Variants in MARCOL observed in about 807,000 individuals in gnomAD.
The protein encoded by MARCOL is MARCO like.
In MARCOL at chr5:148,243,479, C is replaced by T. The variant is rs1755992573; in HGVS notation, c.*225C>T. On this transcript the variant is annotated 3_prime_UTR_variant, in exon 2 of 2. Coordinates refer to ENST00000638089, the MANE Select transcript of MARCOL (RefSeq NM_001363511.2). Reference sequence around the variant, plus strand: ...AGCAGGGGAAGCCAGGATCATCTAGCCAGCAAGGAAATATAGGGTCATCTG... The same window carrying T: ...AGCAGGGGAAGCCAGGATCATCTAGTCAGCAAGGAAATATAGGGTCATCTG... The T allele has an allele frequency of 2.6e-6, 1 of 381,630 alleles. No homozygotes were observed. The highest frequency in any genetic ancestry group is 4.6e-6 in the Non-Finnish European group (1 of 215,826). The allele number at this position is 381,630 out of a possible 1,614,324, so 23.6% of individuals were successfully genotyped here. A position where few individuals can be genotyped will look rare whatever the true frequency, so the allele number is the denominator to read the frequency against.
chr5:148,242,914 A>G lies in MARCOL; in HGVS notation c.518A>G (p.Gln173Arg). 1 of 399,178 alleles carries G rather than the reference A, an allele frequency of 2.5e-6. No homozygotes were observed. The highest frequency in any genetic ancestry group is 4.4e-6 in the Non-Finnish European group (1 of 226,370). The allele number at this position is 399,178 out of a possible 1,614,324, so 24.7% of individuals were successfully genotyped here. ...CAGGGGAAGCCAGGATCATCTAGCC[A>G]ACACGGGAATCTAGGGTCATCAACC... ...SQQGKPGSSS[Q>R]HGNLGSSTQK... Residue 173 changes from glutamine to arginine, a missense_variant, in exon 2 of 2, where the codon CAA (glutamine) becomes CGA (arginine). Coordinates refer to ENST00000638089, the MANE Select transcript of MARCOL (RefSeq NM_001363511.2).
rs1410712677 is a variant in MARCOL, at chr5:148,239,644, G to GA, written c.49+1007dup. Among the ~76,000 whole-genome samples the GA allele has an allele frequency of 3.4e-4, 50 of 149,000 alleles. No homozygotes were observed. In the East Asian group the frequency reaches 7.1e-3, roughly 21 times the overall value. ...GGAGCTGCTGAAGTAACAGAGTTAA[G>GA]AAAAAAAAAGGGTGAGTTAAGAGAT... On this transcript the variant is annotated intron_variant, in intron 1 of 1. Transcript: ENST00000638089.
rs1755986120 is a variant in MARCOL, at chr5:148,243,053, A to G, written c.657A>G (p.Gln219=). 1 of 397,120 alleles carries G rather than the reference A, an allele frequency of 2.5e-6. No individual in the cohort carries two copies. Among genetic ancestry groups the G allele is most frequent in the Non-Finnish European group, 4.4e-6 (1 of 225,104 alleles). The allele number at this position is 397,120 out of a possible 1,614,324, so 24.6% of individuals were successfully genotyped here. The change falls in exon 2 of 2, where the codon CAA becomes CAG. Residue 219 remains glutamine (Q), a synonymous_variant. Coordinates refer to ENST00000638089, the MANE Select transcript of MARCOL (RefSeq NM_001363511.2). The part of the protein sequence containing the change: ...QQGKPGSSSQ[Q]GNLGTSGQQE... ...GGAAGCCAGGGTCATCTAGCCAACAAGGAAATCTAGGAACTTCTGGCCAAC... is the reference window on the plus strand; with the variant it reads ...GGAAGCCAGGGTCATCTAGCCAACAGGGAAATCTAGGAACTTCTGGCCAAC...
chr5:148,240,523 G>A (rs192110729), intron 1 of MARCOL, among the ~76,000 whole-genome samples: 1 of 150,848 alleles, frequency 6.6e-6, no homozygotes, highest in East Asian at 2.0e-4. Context: ...GGGGGGTTTG[G>A]AGTGGGGGTA....
intron 1 of MARCOL, 27 bp downstream of exon 1, chr5:148,238,673 C>T: frequency 2.5e-6 from 1 of 397,992 alleles, no homozygotes; most frequent in Non-Finnish European, 4.4e-6. Flanking sequence ...CAATAGCTTT[C>T]CTTCCAAATC....
Position 148,242,616 on chromosome 5 carries a change from G to A in MARCOL, c.220G>A (p.Gly74Arg). The A allele has an allele frequency of 2.5e-6, 1 of 398,324 alleles. No individual in the cohort carries two copies. The highest frequency in any genetic ancestry group is 4.4e-6 in the Non-Finnish European group (1 of 225,944). 24.7% of individuals were successfully genotyped at this position (398,324 alleles called of 1,614,324 possible). A position where few individuals can be genotyped will look rare whatever the true frequency, so the allele number is the denominator to read the frequency against. ...AAATCCAGGAACGTTTAGGCTTCAA[G>A]GACAACCAGGCTATTTTAACAAGCT... ...QGNPGTFRLQ[G>R]QPGYFNKLEK... Residue 74 changes from glycine to arginine, a missense_variant, in exon 2 of 2, where the codon GGA becomes AGA. Gly to Arg is a moderately radical substitution (Grantham distance 125). Transcript: ENST00000638089.
At chr5:148,239,509 A>C (rs1159203) in intron 1 of MARCOL, among the ~76,000 whole-genome samples, 113,616 of 151,688 alleles carry the variant, frequency 0.75, 47,082 homozygotes, top group Middle Eastern at 0.94. Context: ...AAGCTGTTTC[A>C]GAGTTTTGAG....
At chr5:148,241,379 TG>T in intron 1 of MARCOL, among the ~76,000 whole-genome samples, 1 of 67,598 alleles carries the variant, frequency 1.5e-5, no homozygotes, top group Non-Finnish European at 4.7e-5. Context: ...TTGCGTATAT[TG>T]AAAAAAATAC....
At chr5:148,239,616 T>G (rs559129504) in intron 1 of MARCOL, among the ~76,000 whole-genome samples, 1 of 151,464 alleles carries the variant, frequency 6.6e-6, no homozygotes, top group Admixed American at 6.6e-5. Flanking sequence ...GTAATGCCAC[T>G]GAGGAGCTGC....
At chr5:148,241,511 T>A (rs1755964793) in intron 1 of MARCOL, among the ~76,000 whole-genome samples, 5 of 98,308 alleles carry the variant, frequency 5.1e-5, no homozygotes, top group South Asian at 3.4e-4. Flanking sequence ...ATGAGAAAAA[T>A]ATACACTTCT....
At chr5:148,239,034 T>C (rs1433950994) in intron 1 of MARCOL, among the ~76,000 whole-genome samples, 1 of 152,128 alleles carries the variant, frequency 6.6e-6, no homozygotes, top group Non-Finnish European at 1.5e-5. Flanking sequence ...CAAATCTTGA[T>C]GTTTTTTTCC....
At position 148,238,545 on chromosome 5, in the gene MARCOL, A is replaced by G. The variant is rs1755930479; in HGVS notation, c.-53A>G. On this transcript the variant is annotated 5_prime_UTR_variant, in exon 1 of 2. Coordinates refer to ENST00000638089, the MANE Select transcript of MARCOL (RefSeq NM_001363511.2). The stretch of plus-strand genomic sequence containing the variant: ...GGTTTATTTGAAGAGCACCTACTGC[A>G]GAGTTAGGCTTAACTCCACCCAACA... 7.5e-6 allele frequency: 3 copies of G among 397,684 alleles called. No homozygotes were observed. Among genetic ancestry groups the G allele is most frequent in the Non-Finnish European group, 1.3e-5 (3 of 225,124 alleles). The allele number at this position is 397,684 out of a possible 1,614,324, so 24.6% of individuals were successfully genotyped here.
chr5:148,240,701 C>T (rs1755954041), intron 1 of MARCOL, among the ~76,000 whole-genome samples: 1 of 151,868 alleles, frequency 6.6e-6, no homozygotes, highest in Admixed American at 6.6e-5. Flanking sequence ...TAATTGATTT[C>T]TACTTGGTGT....
intron 1 of MARCOL, among the ~76,000 whole-genome samples, chr5:148,240,743 T>C (rs1033970221): frequency 6.6e-6 from 1 of 151,946 alleles, no homozygotes; most frequent in African/African-American, 2.4e-5. Flanking sequence ...GTTTTATTCC[T>C]AGAACTGAAA....
chr5:148,238,712 G>A (rs1000204680), intron 1 of MARCOL, 66 bp downstream of exon 1: 10 of 397,372 alleles, frequency 2.5e-5, no homozygotes, highest in Admixed American at 4.4e-5. Flanking sequence ...AATGTTAAGT[G>A]ATTTAGCAAT....
Position 148,243,060 on chromosome 5 carries a change from CT to C in MARCOL, c.665del (p.Leu222GlnfsTer73), listed in dbSNP as rs1755986208. The part of the protein sequence containing the change: ...KPGSSSQQGN[L>X]GTSGQQEKPG... ...AGGGTCATCTAGCCAACAAGGAAATCTAGGAACTTCTGGCCAACAGGAGAAG... is the reference window on the plus strand; with the variant it reads ...AGGGTCATCTAGCCAACAAGGAAATCAGGAACTTCTGGCCAACAGGAGAAG... On this transcript the variant is annotated frameshift_variant, in exon 2 of 2. Transcript: ENST00000638089. LOFTEE classifies it low-confidence loss of function (END_TRUNC). 7.6e-6 allele frequency: 3 copies of C among 396,974 alleles called. No homozygotes were observed. In the East Asian group the frequency reaches 1.1e-4, roughly 14 times the overall value. 24.6% of individuals were successfully genotyped at this position (396,974 alleles called of 1,614,324 possible).
At position 148,242,880 on chromosome 5, in the gene MARCOL, T is replaced by A. The variant is rs1678322056; in HGVS notation, c.484T>A (p.Ser162Thr). Residue 162 changes from serine to threonine, a missense_variant, in exon 2 of 2, where the codon TCT becomes ACT. Coordinates refer to ENST00000638089, the MANE Select transcript of MARCOL (RefSeq NM_001363511.2). ...SFSQKVMVGSSSQQGKPGSSS... is the reference protein window; with the variant it reads ...SFSQKVMVGSTSQQGKPGSSS... ...TAGCCAGAAAGTGATGGTGGGGTCATCTAGCCAACAGGGGAAGCCAGGATC... is the reference window on the plus strand; with the variant it reads ...TAGCCAGAAAGTGATGGTGGGGTCAACTAGCCAACAGGGGAAGCCAGGATC... 2.5e-6 allele frequency: 1 copy of A among 399,046 alleles called. No individual in the cohort carries two copies. Among genetic ancestry groups the A allele is most frequent in the Non-Finnish European group, 4.4e-6 (1 of 226,448 alleles). 24.7% of individuals were successfully genotyped at this position (399,046 alleles called of 1,614,324 possible). A position where few individuals can be genotyped will look rare whatever the true frequency, so the allele number is the denominator to read the frequency against.
Position 148,242,664 on chromosome 5 carries a change from C to G in MARCOL, c.268C>G (p.Gln90Glu), listed in dbSNP as rs1755980016. 1 of 398,216 alleles carries G rather than the reference C, an allele frequency of 2.5e-6. No homozygotes were observed. Among genetic ancestry groups the G allele is most frequent in the South Asian group, 1.3e-4 (1 of 7,854 alleles). The allele number at this position is 398,216 out of a possible 1,614,324, so 24.7% of individuals were successfully genotyped here. Residue 90 changes from glutamine to glutamate, a missense_variant, in exon 2 of 2, where the codon CAA becomes GAA. By Grantham distance (29) the Gln-to-Glu change is conservative (BLOSUM62 2). Coordinates refer to ENST00000638089, the MANE Select transcript of MARCOL (RefSeq NM_001363511.2). The stretch of plus-strand genomic sequence containing the variant: ...GCTAGAGAAACCAAGACATTTTAAG[C>G]AAGGGAGAGCAGGAGTTTTAAACCA... ...NKLEKPRHFKQGRAGVLNQPG... is the reference protein window; with the variant it reads ...NKLEKPRHFKEGRAGVLNQPG...
intron 1 of MARCOL, among the ~76,000 whole-genome samples, chr5:148,241,384 A>C (rs1438600426): frequency 7.9e-5 from 4 of 50,448 alleles, no homozygotes; most frequent in Non-Finnish European, 3.1e-4. Context: ...TATATTGAAA[A>C]AAATACCAAA....
Sources: gnomAD v4.1 joint callset for allele counts (sites outside exome capture counted in the v4.1 genomes callset) on GRCh38, gnomAD v4.1.1 for gene constraint, MANE v1.5 for transcripts, NCBI Gene and HGNC (gene_info 2026-07-23, HGNC 2026-07-21) for gene names.